The following KHDRBS2 variants were observed in gnomAD, a reference collection of about 807,000 sequenced individuals.
KHDRBS2 encodes the protein KH RNA binding domain containing, signal transduction associated 2, also known as KH domain-containing, RNA-binding, signal transduction-associated protein 2.
KHDRBS2 carries 26 observed loss-of-function variants against 44.3 expected under a neutral mutation model. The observed-to-expected ratio is 0.59, with a 90% confidence interval of 0.43 to 0.81. The LOEUF (loss-of-function observed/expected upper bound fraction) is 0.81, where lower values mean the gene tolerates loss of function less well. KHDRBS2 is among the 40% of genes least tolerant of loss of function. The probability of loss-of-function intolerance (pLI) is 0.00; values close to 1 mark genes in which losing one functional copy is unlikely to be tolerated. For missense variants in KHDRBS2, 476 were observed against 433.1 expected (o/e 1.10, Z -0.88); for synonymous variants, 194 against 151.1 (o/e 1.28, Z -2.08).
chr6:62,151,572 T>C (rs1002911384), intron 2 of KHDRBS2, among the ~76,000 whole-genome samples: 9 of 152,130 alleles, frequency 5.9e-5, no homozygotes, highest in Admixed American at 2.6e-4. Context: ...TCCAGGCCTA[T>C]ATAATCTGAA....
Position 61,727,491 on chromosome 6 carries a change from T to C in KHDRBS2, c.893+5191A>G, listed in dbSNP as rs563988888. On this transcript the variant is annotated intron_variant, in intron 7 of 8. Coordinates refer to ENST00000281156, the MANE Select transcript of KHDRBS2 (RefSeq NM_152688.4). ...TAAACTATCATCAGAACGAACAGAA[T>C]GGAAGAAAAATTCTACAGAATGGAA... Among the ~76,000 whole-genome samples the C allele has an allele frequency of 4.2e-4, 64 of 150,682 alleles. 1 individual carries two copies. Among genetic ancestry groups the C allele is most frequent in the African/African-American group, 1.5e-3 (63 of 41,352 alleles).
At chr6:62,228,373 C>G (rs1251616439) in intron 1 of KHDRBS2, among the ~76,000 whole-genome samples, 6 of 152,008 alleles carry the variant, frequency 3.9e-5, no homozygotes, top group Non-Finnish European at 8.8e-5. Flanking sequence ...GTGATATCCC[C>G]TTTATCATTT....
At chr6:61,944,425 G>C (rs1034634376) in intron 4 of KHDRBS2, among the ~76,000 whole-genome samples, 2 of 151,830 alleles carry the variant, frequency 1.3e-5, no homozygotes, top group Non-Finnish European at 2.9e-5. Context: ...TACTACATTT[G>C]CATGCATATG....
chr6:62,055,651 G>T (rs1411740673), intron 2 of KHDRBS2, among the ~76,000 whole-genome samples: 1 of 152,042 alleles, frequency 6.6e-6, no homozygotes, highest in Non-Finnish European at 1.5e-5. Context: ...GGGGAAAAAT[G>T]ATGATAAATT....
the KHDRBS2 span, among the ~76,000 whole-genome samples, chr6:61,576,333 T>A: frequency 1.3e-5 from 2 of 152,114 alleles, no homozygotes; most frequent in Admixed American, 1.3e-4. Flanking sequence ...GGTATATATA[T>A]TTTTTGTAGC....
At chr6:62,230,775 A>T (rs1262786018) in intron 1 of KHDRBS2, among the ~76,000 whole-genome samples, 1 of 152,208 alleles carries the variant, frequency 6.6e-6, no homozygotes, top group Non-Finnish European at 1.5e-5. Context: ...AGCTTGATTA[A>T]ATCAGACTAT....
chr6:61,927,375 A>T (rs1025624383), intron 4 of KHDRBS2, among the ~76,000 whole-genome samples: 2 of 152,138 alleles, frequency 1.3e-5, no homozygotes, highest in African/African-American at 4.8e-5. Context: ...CTAAATGACA[A>T]ATTATCCTAT....
chr6:61,818,581 ATGT>A (rs952370198), intron 6 of KHDRBS2, among the ~76,000 whole-genome samples: 10 of 151,962 alleles, frequency 6.6e-5, no homozygotes, highest in African/African-American at 2.2e-4. Flanking sequence ...CTTCAAGATC[ATGT>A]TGTTGTTCCA....
intron 2 of KHDRBS2, among the ~76,000 whole-genome samples, chr6:62,119,858 A>AC (rs1385980949): frequency 6.6e-6 from 1 of 151,884 alleles, no homozygotes; most frequent in Non-Finnish European, 1.5e-5. Flanking sequence ...CTCAGGAACT[A>AC]CCCCCAACAC....
intron 6 of KHDRBS2, among the ~76,000 whole-genome samples, chr6:61,772,214 G>C (rs1033898038): frequency 5.9e-5 from 9 of 152,154 alleles, no homozygotes; most frequent in Non-Finnish European, 1.2e-4. Flanking sequence ...ACAAGAGAAA[G>C]CAGGAAAGAT....
chr6:61,890,470 T>A (rs1801650854), intron 6 of KHDRBS2, among the ~76,000 whole-genome samples: 1 of 152,202 alleles, frequency 6.6e-6, no homozygotes, highest in African/African-American at 2.4e-5. Context: ...GCTACAATTG[T>A]TTTGCCAGTC....
chr6:61,606,163 C>T, the KHDRBS2 span, among the ~76,000 whole-genome samples: 1 of 152,208 alleles, frequency 6.6e-6, no homozygotes, highest in Non-Finnish European at 1.5e-5. Context: ...ACCCCTATCT[C>T]CCTTCGCTGA....
chr6:61,630,490 G>T, the KHDRBS2 span: 1 of 152,148 alleles, frequency 6.6e-6, no homozygotes, highest in Non-Finnish European at 1.5e-5. Flanking sequence ...GATTGTATTT[G>T]GAGGAAAGTA....
chr6:61,752,471 C>T (rs1777841549), intron 6 of KHDRBS2, among the ~76,000 whole-genome samples: 1 of 152,156 alleles, frequency 6.6e-6, no homozygotes, highest in East Asian at 1.9e-4. Context: ...TAAGCTCAAA[C>T]ATACAAAATA....
intron 6 of KHDRBS2, among the ~76,000 whole-genome samples, chr6:61,798,456 T>A (rs1785734209): frequency 1.3e-5 from 2 of 152,078 alleles, no homozygotes; most frequent in Admixed American, 1.3e-4. Context: ...AGAAGAGTAA[T>A]TAGTCACGGT....
At chr6:61,583,867 C>T in the KHDRBS2 span, among the ~76,000 whole-genome samples, 1 of 150,534 alleles carries the variant, frequency 6.6e-6, no homozygotes, top group Non-Finnish European at 1.5e-5. Flanking sequence ...TCATTTAGTC[C>T]TTTTTAAGTG....
At chr6:61,563,327 T>C in the KHDRBS2 span, among the ~76,000 whole-genome samples, 1 of 152,140 alleles carries the variant, frequency 6.6e-6, no homozygotes, top group Non-Finnish European at 1.5e-5. Context: ...TCAGTAAGAA[T>C]GTATTTGGAA....
At chr6:62,251,424 C>A (rs746441673) in intron 1 of KHDRBS2, among the ~76,000 whole-genome samples, 2 of 151,798 alleles carry the variant, frequency 1.3e-5, no homozygotes, top group Non-Finnish European at 2.9e-5. Flanking sequence ...CAATTTCCAT[C>A]TAAGTTTGCA....
At chr6:62,158,470 A>C (rs1232728951) in intron 2 of KHDRBS2, among the ~76,000 whole-genome samples, 2 of 152,152 alleles carry the variant, frequency 1.3e-5, no homozygotes, top group Non-Finnish European at 2.9e-5. Context: ...TAGTGCAGCT[A>C]TGGTTGAAAC....
Sources: gnomAD v4.1 joint callset for allele counts (sites outside exome capture counted in the v4.1 genomes callset) on GRCh38, gnomAD v4.1.1 for gene constraint, MANE v1.5 for transcripts, NCBI Gene and HGNC (gene_info 2026-07-23, HGNC 2026-07-21) for gene names.